Variants in POU6F2 observed in about 807,000 individuals in gnomAD.
POU6F2 encodes POU domain, class 6, transcription factor 2.
A neutral mutation model predicts 71.3 loss-of-function variants in POU6F2; 31 were observed. That is an observed-to-expected ratio of 0.43 (90% CI 0.33 to 0.59). The LOEUF (loss-of-function observed/expected upper bound fraction) is 0.59, where lower values mean the gene tolerates loss of function less well. Ranked by LOEUF, POU6F2 falls within the 20% of genes least tolerant of loss-of-function variation. The pLI is 0.04. For missense variants in POU6F2, 783 were observed against 856.8 expected, an observed-to-expected ratio of 0.91 and a Z score of 1.07; for synonymous variants, 347 against 355.7, an observed-to-expected ratio of 0.98 and a Z score of 0.27.
At chr7:39,115,665 T>G (rs1353669215) in intron 2 of POU6F2, among the ~76,000 whole-genome samples, 1 of 152,172 alleles carries the variant, frequency 6.6e-6, no homozygotes, top group Non-Finnish European at 1.5e-5. Flanking sequence ...TGGGCCAGTG[T>G]GTTGGTTTTG....
chr7:39,236,468 C>T lies in POU6F2; in HGVS notation c.598+28848C>T, dbSNP rs146848069. Among the ~76,000 whole-genome samples, 633 of 152,220 alleles carry T rather than the reference C, an allele frequency of 4.2e-3. 5 individuals are homozygous for T. Among genetic ancestry groups the T allele is most frequent in the African/African-American group, 0.015 (613 of 41,544 alleles). On this transcript the variant is annotated intron_variant, in intron 4 of 9. Transcript: ENST00000518318. ...AAATAGTTAAAGCATCAGCCCCAAC[C>T]AATATGCACTTGAATTTGAAATTTG...
chr7:39,174,551 C>T (rs533077525), intron 2 of POU6F2, among the ~76,000 whole-genome samples: 83 of 152,192 alleles, frequency 5.5e-4, no homozygotes, highest in African/African-American at 1.9e-3. Context: ...GTGTCTTTTC[C>T]TCCTGTTCCA....
chr7:39,055,322 G>A (rs1430417576), intron 1 of POU6F2, among the ~76,000 whole-genome samples: 1 of 151,946 alleles, frequency 6.6e-6, no homozygotes, highest in East Asian at 1.9e-4. Flanking sequence ...TGCAATGGTG[G>A]GATTTCTTCT....
chr7:39,131,030 T>C (rs545096741), intron 2 of POU6F2, among the ~76,000 whole-genome samples: 7 of 152,200 alleles, frequency 4.6e-5, no homozygotes, highest in Non-Finnish European at 1.0e-4. Context: ...GAAAGGCTAA[T>C]TGAGAAGTGT....
chr7:39,409,662 AGGCTGGGCAGATGTCCTC>A (rs1475081398), intron 6 of POU6F2, among the ~76,000 whole-genome samples: 2 of 151,824 alleles, frequency 1.3e-5, no homozygotes, highest in Admixed American at 6.6e-5. Context: ...AGCAGTCCTA[AGGCTGGGCAGATGTCCTC>A]GGCTGGGCAG....
intron 4 of POU6F2, among the ~76,000 whole-genome samples, chr7:39,215,930 C>T (rs1031771003): frequency 2.0e-5 from 3 of 152,216 alleles, no homozygotes; most frequent in Non-Finnish European, 4.4e-5. Flanking sequence ...GACTCTGCTG[C>T]ACATCCTTCA....
chr7:39,060,375 A>G (rs1038967596), intron 1 of POU6F2, among the ~76,000 whole-genome samples: 5 of 152,212 alleles, frequency 3.3e-5, no homozygotes, highest in African/African-American at 1.2e-4. Context: ...TAAGGTGTTG[A>G]AATGTTGATT....
intron 1 of POU6F2, among the ~76,000 whole-genome samples, chr7:38,994,625 C>T (rs1484322884): frequency 6.6e-6 from 1 of 152,058 alleles, no homozygotes; most frequent in African/African-American, 2.4e-5. Context: ...ATCAGTGACA[C>T]TCTGAATAAA....
At chr7:39,368,141 A>G (rs4720320) in intron 5 of POU6F2, among the ~76,000 whole-genome samples, 25,692 of 152,244 alleles carry the variant, frequency 0.17, 2,436 homozygotes, top group Admixed American at 0.24. Context: ...AGAAATGACT[A>G]AGTTTGGTGG....
chr7:39,363,771 A>C (rs1786442568), intron 5 of POU6F2, among the ~76,000 whole-genome samples: 1 of 151,974 alleles, frequency 6.6e-6, no homozygotes, highest in Admixed American at 6.6e-5. Context: ...TCAAGTAAAA[A>C]GAAATTTGAG....
At chr7:39,433,844 G>A (rs1788166907) in intron 7 of POU6F2, among the ~76,000 whole-genome samples, 1 of 152,214 alleles carries the variant, frequency 6.6e-6, no homozygotes. Context: ...AGAAAAAGGT[G>A]TGGTCCCTGA....
chr7:39,426,537 T>C (rs1583593835), intron 6 of POU6F2, among the ~76,000 whole-genome samples: 1 of 152,106 alleles, frequency 6.6e-6, no homozygotes, highest in Non-Finnish European at 1.5e-5. Flanking sequence ...TGGCAGGCAG[T>C]GATCTTTCTC....
intron 6 of POU6F2, among the ~76,000 whole-genome samples, chr7:39,416,718 C>T (rs1787685330): frequency 6.6e-6 from 1 of 151,780 alleles, no homozygotes; most frequent in African/African-American, 2.4e-5. Context: ...CACTTAAAGT[C>T]ATACCAGTGA....
intron 5 of POU6F2, chr7:39,373,657 C>G: frequency 7.9e-6 from 3 of 378,420 alleles, no homozygotes; most frequent in Non-Finnish European, 1.6e-5. Context: ...GGGAACTGGT[C>G]TCCTTATTGA....
intron 2 of POU6F2, among the ~76,000 whole-genome samples, chr7:39,200,518 C>A (rs955403821): frequency 1.3e-5 from 2 of 152,060 alleles, no homozygotes; most frequent in African/African-American, 4.8e-5. Flanking sequence ...TCTTCAGGAC[C>A]CAACTATTTA....
chr7:39,114,594 T>TA (rs746648973), intron 2 of POU6F2, among the ~76,000 whole-genome samples: 5 of 152,078 alleles, frequency 3.3e-5, no homozygotes, highest in Non-Finnish European at 5.9e-5. Context: ...TTTTTCTGGG[T>TA]AAAAAAGAGA....
chr7:38,978,831 C>T (rs1478064150), intron 1 of POU6F2, among the ~76,000 whole-genome samples: 1 of 152,182 alleles, frequency 6.6e-6, no homozygotes, highest in Non-Finnish European at 1.5e-5. Context: ...CTTTCCCGCT[C>T]TGTCGTCTTT....
intron 1 of POU6F2, among the ~76,000 whole-genome samples, chr7:39,026,109 G>A (rs143463575): frequency 0.07 from 10,657 of 151,982 alleles, 485 homozygotes; most frequent in African/African-American, 0.13. Context: ...AACAGGTGCC[G>A]GAGAGGATGT....
chr7:39,260,635 C>T (rs928358983), intron 4 of POU6F2, among the ~76,000 whole-genome samples: 1 of 151,250 alleles, frequency 6.6e-6, no homozygotes, highest in African/African-American at 2.4e-5. Context: ...CCACACACCA[C>T]ACATACATCA....
Sources: gnomAD v4.1 joint callset for allele counts (sites outside exome capture counted in the v4.1 genomes callset) on GRCh38, gnomAD v4.1.1 for gene constraint, MANE v1.5 for transcripts, NCBI Gene and HGNC (gene_info 2026-07-23, HGNC 2026-07-21) for gene names.